RUSF1: variants seen among roughly 807,000 people sequenced by gnomAD.
RUSF1 encodes the protein RUS1 family protein C16orf58.
A neutral mutation model predicts 63.0 loss-of-function variants in RUSF1; 58 were observed. The observed-to-expected ratio is 0.92, with a 90% CI of 0.75 to 1.15. The LOEUF (loss-of-function observed/expected upper bound fraction) is 1.15. Among genes scored for constraint, RUSF1 ranks in the 50% most tolerant of loss-of-function variants. The probability of loss-of-function intolerance (pLI) is 0.00; values close to 1 mark genes in which losing one functional copy is unlikely to be tolerated. For missense variants in RUSF1, 652 were observed against 611.0 expected (o/e 1.07, Z -0.71); for synonymous variants, 274 against 255.8 (o/e 1.07, Z -0.68).
chr16:31,493,199 C>G, intron 9 of RUSF1, 151 bp from the exon 10 acceptor site: 1 of 904,286 alleles, frequency 1.1e-6, no homozygotes, highest in South Asian at 1.4e-5. Flanking sequence ...TACCCATACA[C>G]ACCAAATCCA....
intron 2 of RUSF1, among the ~76,000 whole-genome samples, chr16:31,505,279 T>C (rs991978730): frequency 6.6e-6 from 1 of 152,100 alleles, no homozygotes; most frequent in Non-Finnish European, 1.5e-5. Flanking sequence ...ATTCCTTTGC[T>C]CGCATGTTTT....
Position 31,490,539 on chromosome 16 carries a change from C to T in RUSF1, c.*296G>A, listed in dbSNP as rs1300355899. On this transcript the variant is annotated 3_prime_UTR_variant, in exon 13 of 13. Transcript: ENST00000327237. ...CCTCTGGGGCTTCTATGCCTAAGAC[C>T]AACTGCGTTGGACACCATAAGCCAC... 4 of 1,603,440 alleles carry T rather than the reference C, an allele frequency of 2.5e-6. No homozygotes were observed. The highest frequency in any genetic ancestry group is 3.4e-6 in the Non-Finnish European group (4 of 1,173,088).
chr16:31,499,534 G>A lies in RUSF1; in HGVS notation c.462-9C>T, dbSNP rs2082622289. On this transcript the variant is annotated splice_polypyrimidine_tract_variant and intron_variant, in intron 3 of 12. Coordinates refer to ENST00000327237, the MANE Select transcript of RUSF1 (RefSeq NM_022744.4). ...TGCAGTCCAGTTTGCTCCTGTTGGG[G>A]AGGAGAGGTTGTTGTAATTTGGACT... 6.2e-7 allele frequency: 1 copy of A among 1,600,590 alleles called. No individual in the cohort carries two copies. The highest frequency in any genetic ancestry group is 8.5e-7 in the Non-Finnish European group (1 of 1,173,460).
chr16:31,490,603 C>T lies in RUSF1; in HGVS notation c.*232G>A. 4 of 1,379,990 alleles carry T rather than the reference C, an allele frequency of 2.9e-6. No homozygotes were observed. The highest frequency in any genetic ancestry group is 2.4e-5 in the South Asian group (2 of 82,066). 85.5% of individuals were successfully genotyped at this position (1,379,990 alleles called of 1,614,324 possible). A position where few individuals can be genotyped will look rare whatever the true frequency, so the allele number is the denominator to read the frequency against. On this transcript the variant is annotated 3_prime_UTR_variant, in exon 13 of 13. Coordinates refer to ENST00000327237, the MANE Select transcript of RUSF1 (RefSeq NM_022744.4). ...GTGGGGGTGAGGAGCCTGCGGTGCT[C>T]CCCAGAAAAGGGGAAGGGGCAGTGG...
At chr16:31,495,520 G>A (rs1399803799) in intron 6 of RUSF1, among the ~76,000 whole-genome samples, 1 of 152,174 alleles carries the variant, frequency 6.6e-6, no homozygotes, top group Non-Finnish European at 1.5e-5. Flanking sequence ...TGGCTCTGTG[G>A]ACCGAGGAAG....
chr16:31,501,673 G>T (rs1567398566), intron 2 of RUSF1, among the ~76,000 whole-genome samples: 1 of 151,948 alleles, frequency 6.6e-6, no homozygotes, highest in African/African-American at 2.4e-5. Context: ...GCTGGGCAGA[G>T]TAAGAGAAGT....
chr16:31,507,886 A>C lies in RUSF1; in HGVS notation c.301-8T>G. On this transcript the variant is annotated splice_polypyrimidine_tract_variant and splice_region_variant and intron_variant, in intron 1 of 12. Transcript: ENST00000327237. ...GAGGCTGGAAGCAAACGCCTGGAGA[A>C]GAAAACAAGTAGGGTGAGAAGCGGG... The C allele has an allele frequency of 6.4e-7, 1 of 1,554,186 alleles. No individual in the cohort carries two copies. Among genetic ancestry groups the C allele is most frequent in the Non-Finnish European group, 8.7e-7 (1 of 1,148,274 alleles).
chr16:31,489,828 C>T lies in RUSF1; in HGVS notation c.*1007G>A, dbSNP rs2082544742. 1 of 484,476 alleles carries T rather than the reference C, an allele frequency of 2.1e-6. No individual in the cohort carries two copies. The allele number at this position is 484,476 out of a possible 1,614,324, so 30.0% of individuals were successfully genotyped here. On this transcript the variant is annotated 3_prime_UTR_variant, in exon 13 of 13. Coordinates refer to ENST00000327237, the MANE Select transcript of RUSF1 (RefSeq NM_022744.4). ...GTGAGCAGGACTGCCAGGCCAGTGT[C>T]ACAAGCGCTACCATCTGGGTGTAGA...
In RUSF1 at chr16:31,490,181, C is replaced by G. The variant is rs771925284; in HGVS notation, c.*654G>C. 1.2e-6 allele frequency: 2 copies of G among 1,614,154 alleles called. No homozygotes were observed. Among genetic ancestry groups the G allele is most frequent in the Non-Finnish European group, 1.7e-6 (2 of 1,180,022 alleles). ...TGGATGCTGATGAGCAGCAAGGCTC[C>G]TCACTCCCTGTACAGAATGGGTGCC... On this transcript the variant is annotated 3_prime_UTR_variant, in exon 13 of 13. Coordinates refer to ENST00000327237, the MANE Select transcript of RUSF1 (RefSeq NM_022744.4).
chr16:31,505,367 T>C (rs997028029), intron 2 of RUSF1, among the ~76,000 whole-genome samples: 2 of 152,062 alleles, frequency 1.3e-5, no homozygotes, highest in African/African-American at 2.4e-5. Context: ...TAGTAATCAA[T>C]ACTGAGGGAA....
In RUSF1 at chr16:31,489,660, G is replaced by A. The variant is rs2082542281; in HGVS notation, c.*1175C>T. The stretch of plus-strand genomic sequence containing the variant: ...AACGCCCACAAAAAGGTTTGGTTTT[G>A]TTGCCAAAGGGCAGGTGGCTCCAGG... On this transcript the variant is annotated 3_prime_UTR_variant, in exon 13 of 13. Coordinates refer to ENST00000327237, the MANE Select transcript of RUSF1 (RefSeq NM_022744.4). The A allele has an allele frequency of 1.4e-5, 7 of 499,954 alleles. No homozygotes were observed. Among genetic ancestry groups the A allele is most frequent in the Non-Finnish European group, 2.6e-5 (7 of 274,100 alleles). 31.0% of individuals were successfully genotyped at this position (499,954 alleles called of 1,614,324 possible). A position where few individuals can be genotyped will look rare whatever the true frequency, so the allele number is the denominator to read the frequency against.
Position 31,490,980 on chromosome 16 carries a change from A to C in RUSF1, c.1310-48T>G, listed in dbSNP as rs1484531462. On this transcript the variant is annotated intron_variant, in intron 12 of 12. Transcript: ENST00000327237. ...TGCCGGGAATGCTGGGGACAAGGGT[A>C]AGGAGAGGCACAGGCTGGGTGCAGG... The C allele has an allele frequency of 2.5e-6, 4 of 1,580,026 alleles. No individual in the cohort carries two copies. The African/African-American group carries it at 5.4e-5, about 21-fold the overall frequency.
intron 5 of RUSF1, among the ~76,000 whole-genome samples, chr16:31,498,809 G>T (rs2082617753): frequency 6.6e-6 from 1 of 152,118 alleles, no homozygotes; most frequent in Non-Finnish European, 1.5e-5. Flanking sequence ...AGGCTCAGGG[G>T]AGCTCTTCCT....
intron 6 of RUSF1, among the ~76,000 whole-genome samples, chr16:31,494,807 G>C (rs2082593724): frequency 6.6e-6 from 1 of 151,800 alleles, no homozygotes; most frequent in Non-Finnish European, 1.5e-5. Flanking sequence ...AAACTCCTGA[G>C]CTCAAGTGAT....
At position 31,492,265 on chromosome 16, in the gene RUSF1, A is replaced by G; in HGVS notation, c.1163T>C (p.Leu388Pro). 6.2e-7 allele frequency: 1 copy of G among 1,613,238 alleles called. No individual in the cohort carries two copies. The change falls in exon 11 of 13, where the codon CTT becomes CCT. Residue 388 changes from leucine to proline, a missense_variant. Leu to Pro is a moderately conservative substitution (Grantham distance 98, BLOSUM62 -3). Transcript: ENST00000327237. ...GGGTCCATCTCCCTGCAGGGCCCCA[A>G]GCATCAGCCCATGTGTGGCGGCCCT... The part of the protein sequence containing the change: ...ILRAATHGLM[L>P]GALQGDGPLP...
At chr16:31,499,610 A>C in intron 3 of RUSF1, 85 bp from the exon 4 acceptor site, 1 of 1,318,658 alleles carries the variant, frequency 7.6e-7, no homozygotes, top group Non-Finnish European at 1.0e-6. Context: ...GACCACAGTA[A>C]AGTCTGAAGA....
At chr16:31,492,417 C>T (rs2082576485) in intron 10 of RUSF1, 77 bp from the exon 11 acceptor site, 2 of 1,452,304 alleles carry the variant, frequency 1.4e-6, no homozygotes, top group East Asian at 2.4e-5. Flanking sequence ...ACCCTGCTTC[C>T]CCTGTCTGCC....
intron 3 of RUSF1, 75 bp from the exon 4 acceptor site, chr16:31,499,600 G>A: frequency 7.1e-7 from 1 of 1,415,720 alleles, no homozygotes; most frequent in East Asian, 2.4e-5. Context: ...GGGAGTCTTG[G>A]ACCACAGTAA....
intron 6 of RUSF1, among the ~76,000 whole-genome samples, chr16:31,494,729 AGAGCGAGGGTCTCGCTCT>A (rs1413231598): frequency 2.0e-5 from 3 of 151,466 alleles, no homozygotes; most frequent in Non-Finnish European, 4.4e-5. Context: ...TTTTTTTTAA[AGAGCGAGGGTCTCGCTCT>A]GTCACCCAGG....
Sources: gnomAD v4.1 joint callset for allele counts (sites outside exome capture counted in the v4.1 genomes callset) on GRCh38, gnomAD v4.1.1 for gene constraint, MANE v1.5 for transcripts, NCBI Gene and HGNC (gene_info 2026-07-23, HGNC 2026-07-21) for gene names.